RALYL: variants seen among roughly 807,000 people sequenced by gnomAD.
The protein encoded by RALYL is RNA-binding Raly-like protein.
Under a neutral mutation model 35.1 loss-of-function variants are expected in RALYL, and 29 were observed. The observed-to-expected ratio is 0.83, with a 90% CI of 0.61 to 1.13. The LOEUF (loss-of-function observed/expected upper bound fraction) is 1.13, where lower values mean the gene tolerates loss of function less well. Ranked by LOEUF, RALYL falls within the 50% of genes most tolerant of loss-of-function variation. RALYL has a pLI of 0.00. For synonymous variants in RALYL, 120 were observed against 127.6 expected (o/e 0.94, Z 0.40); for missense variants, 359 against 360.4 (o/e 1.00, Z 0.03).
chr8:84,866,271 G>T (rs975068752), intron 6 of RALYL, among the ~76,000 whole-genome samples: 3 of 152,082 alleles, frequency 2.0e-5, no homozygotes, highest in East Asian at 3.9e-4. Flanking sequence ...TGCCTGGAGT[G>T]GAGTCTGTTC....
At chr8:84,836,502 A>G (rs936571955) in intron 4 of RALYL, among the ~76,000 whole-genome samples, 5 of 152,208 alleles carry the variant, frequency 3.3e-5, no homozygotes, top group Non-Finnish European at 5.9e-5. Context: ...TATTTCATCA[A>G]TGAAACTTAG....
chr8:84,816,604 G>A (rs1411328596), intron 4 of RALYL, among the ~76,000 whole-genome samples: 1 of 151,908 alleles, frequency 6.6e-6, no homozygotes, highest in Non-Finnish European at 1.5e-5. Flanking sequence ...GGTTTGGTTG[G>A]AAGATCTTCA....
intron 1 of RALYL, among the ~76,000 whole-genome samples, chr8:84,426,943 G>A (rs902067472): frequency 3.9e-5 from 6 of 151,994 alleles, no homozygotes; most frequent in Non-Finnish European, 7.4e-5. Context: ...GATCTTATGG[G>A]CACATACCCA....
chr8:84,867,682 A>G (rs1298867331), intron 6 of RALYL, among the ~76,000 whole-genome samples: 1 of 152,240 alleles, frequency 6.6e-6, no homozygotes, highest in Non-Finnish European at 1.5e-5. Context: ...AATCTAAAGT[A>G]TCTTTTCAGT....
chr8:84,721,962 C>T (rs543799477), intron 2 of RALYL, among the ~76,000 whole-genome samples: 27 of 152,040 alleles, frequency 1.8e-4, no homozygotes, highest in Middle Eastern at 6.8e-3. Flanking sequence ...ACCTCATTTC[C>T]GAAGCATTTA....
At chr8:84,388,209 A>G (rs990364701) in intron 1 of RALYL, among the ~76,000 whole-genome samples, 1 of 152,112 alleles carries the variant, frequency 6.6e-6, no homozygotes, top group African/African-American at 2.4e-5. Flanking sequence ...TCCATGCTGT[A>G]TATGTGCCAC....
intron 2 of RALYL, among the ~76,000 whole-genome samples, chr8:84,739,790 G>C (rs1365694714): frequency 1.3e-5 from 2 of 151,832 alleles, no homozygotes; most frequent in Non-Finnish European, 2.9e-5. Context: ...CTCTGAGTAT[G>C]ATTTAATGAA....
intron 1 of RALYL, among the ~76,000 whole-genome samples, chr8:84,319,835 A>T (rs760817870): frequency 4.6e-5 from 7 of 150,968 alleles, no homozygotes; most frequent in Non-Finnish European, 7.4e-5. Context: ...AGGAAGATGT[A>T]TCTTCTGAAC....
chr8:84,372,903 T>G (rs1449023629), intron 1 of RALYL, among the ~76,000 whole-genome samples: 3 of 140,964 alleles, frequency 2.1e-5, no homozygotes, highest in Non-Finnish European at 4.6e-5. Context: ...TTTTTTTTTT[T>G]TTTTTTTTTT....
intron 1 of RALYL, among the ~76,000 whole-genome samples, chr8:84,328,885 C>G: frequency 6.6e-6 from 1 of 152,094 alleles, no homozygotes; most frequent in Non-Finnish European, 1.5e-5. Context: ...TGCATTGATT[C>G]GATTAGGATG....
At chr8:84,311,450 A>G (rs1260304746) in intron 1 of RALYL, among the ~76,000 whole-genome samples, 1 of 152,168 alleles carries the variant, frequency 6.6e-6, no homozygotes, top group Non-Finnish European at 1.5e-5. Flanking sequence ...TCTATTCATA[A>G]ATGACAATGT....
chr8:84,486,071 A>G (rs1250537107), intron 1 of RALYL, among the ~76,000 whole-genome samples: 2 of 144,652 alleles, frequency 1.4e-5, no homozygotes, highest in African/African-American at 5.2e-5. Context: ...ACAAGGCTCC[A>G]CATGGTATGA....
chr8:84,843,028 A>C (rs539967337), intron 4 of RALYL, among the ~76,000 whole-genome samples: 62 of 152,162 alleles, frequency 4.1e-4, no homozygotes, highest in Non-Finnish European at 8.2e-4. Context: ...ATGGGCAAAA[A>C]CTGGAAGCAT....
chr8:84,742,126 G>C (rs994920681), intron 2 of RALYL, among the ~76,000 whole-genome samples: 1 of 151,878 alleles, frequency 6.6e-6, no homozygotes, highest in Non-Finnish European at 1.5e-5. Context: ...TTTAGGTAGG[G>C]AAACACTGGC....
intron 4 of RALYL, among the ~76,000 whole-genome samples, chr8:84,812,857 A>T (rs1461262856): frequency 6.6e-6 from 1 of 152,178 alleles, no homozygotes; most frequent in Non-Finnish European, 1.5e-5. Flanking sequence ...CTGCGAAAGA[A>T]AAAGGTTTGG....
At chr8:84,590,058 C>T (rs1021856999) in intron 2 of RALYL, among the ~76,000 whole-genome samples, 2 of 152,134 alleles carry the variant, frequency 1.3e-5, no homozygotes, top group Admixed American at 1.3e-4. Flanking sequence ...TTGTTCTGTA[C>T]ATTTTGGAAG....
At chr8:84,595,095 TA>T (rs1328181110) in intron 2 of RALYL, among the ~76,000 whole-genome samples, 3 of 151,896 alleles carry the variant, frequency 2.0e-5, no homozygotes, top group Non-Finnish European at 2.9e-5. Flanking sequence ...GAGTAAGGAG[TA>T]AATACTGAGT....
At chr8:84,695,266 A>G (rs1334642799) in intron 2 of RALYL, among the ~76,000 whole-genome samples, 1 of 151,740 alleles carries the variant, frequency 6.6e-6, no homozygotes, top group East Asian at 1.9e-4. Context: ...CAACTCACAA[A>G]CATACATCTC....
intron 2 of RALYL, among the ~76,000 whole-genome samples, chr8:84,657,739 T>G (rs901540696): frequency 2.0e-5 from 3 of 152,086 alleles, no homozygotes; most frequent in African/African-American, 7.2e-5. Flanking sequence ...AGATGGGAGA[T>G]CCAGGAAACT....
Sources: gnomAD v4.1 joint callset for allele counts (sites outside exome capture counted in the v4.1 genomes callset) on GRCh38, gnomAD v4.1.1 for gene constraint, MANE v1.5 for transcripts, NCBI Gene and HGNC (gene_info 2026-07-23, HGNC 2026-07-21) for gene names.